Variants in GMNC observed in about 807,000 individuals in gnomAD.
GMNC encodes geminin coiled-coil domain-containing protein 1.
GMNC carries 16 observed loss-of-function variants against 33.6 expected under a neutral mutation model. That is an observed-to-expected ratio of 0.48 (90% CI 0.32 to 0.72). The LOEUF (loss-of-function observed/expected upper bound fraction) is 0.72. Among genes scored for constraint, GMNC ranks in the 30% least tolerant of loss-of-function variants. The probability of loss-of-function intolerance (pLI) is 0.03; values close to 1 mark genes in which losing one functional copy is unlikely to be tolerated. For missense variants in GMNC, 393 were observed against 388.9 expected, an observed-to-expected ratio of 1.01 and a Z score of -0.09; for synonymous variants, 156 against 147.3, an observed-to-expected ratio of 1.06 and a Z score of -0.43.
Position 190,854,013 on chromosome 3 carries a change from C to A in GMNC, c.*1282G>T, listed in dbSNP as rs1030457413. On this transcript the variant is annotated 3_prime_UTR_variant, in exon 5 of 5. Coordinates refer to ENST00000442080, the MANE Select transcript of GMNC (RefSeq NM_001146686.3). ...AGTACTGTGATCAGAGCAATGATTT[C>A]TAATGTTAACTTCAAATGACTTATG... is the stretch of plus-strand genomic sequence containing the variant. The A allele has an allele frequency of 6.6e-6, 1 of 152,122 alleles. No individual in the cohort carries two copies. Among genetic ancestry groups the A allele is most frequent in the Admixed American group, 6.5e-5 (1 of 15,268 alleles). 9.4% of individuals were successfully genotyped at this position (152,122 alleles called of 1,614,324 possible). A position where few individuals can be genotyped will look rare whatever the true frequency, so the allele number is the denominator to read the frequency against.
rs1737805125 is a variant in GMNC, at chr3:190,858,921, C to A, written c.267+7G>T. The A allele has an allele frequency of 6.6e-7, 1 of 1,522,128 alleles. No individual in the cohort carries two copies. The highest frequency in any genetic ancestry group is 1.4e-5 in the African/African-American group (1 of 72,548). The allele number at this position is 1,522,128 out of a possible 1,614,324, so 94.3% of individuals were successfully genotyped here. On this transcript the variant is annotated splice_region_variant and intron_variant, in intron 3 of 4. Coordinates refer to ENST00000442080, the MANE Select transcript of GMNC (RefSeq NM_001146686.3). ...TGACCAGTCTCAATGTTCTGACTTA[C>A]ACATACCTGCTTATTTCTGTAGAGC... is the stretch of plus-strand genomic sequence containing the variant.
the GMNC span, among the ~76,000 whole-genome samples, chr3:190,845,508 C>CTTTTTTTTTTTT: frequency 4.8e-5 from 6 of 125,802 alleles, no homozygotes; most frequent in East Asian, 2.4e-4. Context: ...ATTTTGAAAC[C>CTTTTTTTTTTTT]TTTTTTTTTT....
chr3:190,843,433 G>A, the GMNC span, among the ~76,000 whole-genome samples: 2 of 152,106 alleles, frequency 1.3e-5, no homozygotes, highest in African/African-American at 2.4e-5. Flanking sequence ...AGCTAGAAGA[G>A]AAAAGAGAAA....
chr3:190,850,803 A>G (rs1737622184), downstream of GMNC, among the ~76,000 whole-genome samples: 2 of 152,168 alleles, frequency 1.3e-5, no homozygotes, highest in South Asian at 4.1e-4. Flanking sequence ...GGCCTCAACT[A>G]TTGTAATGTG....
chr3:190,850,772 T>A (rs1737621592), downstream of GMNC, among the ~76,000 whole-genome samples: 1 of 152,194 alleles, frequency 6.6e-6, no homozygotes, highest in Middle Eastern at 3.2e-3. Context: ...AGACCCAACA[T>A]TAGCACCAGG....
At chr3:190,851,240 G>A (rs1737628865), downstream of GMNC, among the ~76,000 whole-genome samples, 1 of 152,138 alleles carries the variant, frequency 6.6e-6, no homozygotes, top group Non-Finnish European at 1.5e-5. Context: ...ACATTTAACT[G>A]AGGCTTTATT....
chr3:190,845,619 C>T, the GMNC span, among the ~76,000 whole-genome samples: 9 of 149,748 alleles, frequency 6.0e-5, no homozygotes. Context: ...AAGCGATTCT[C>T]ATGCCTCAGC....
chr3:190,854,323 G>C lies in GMNC; in HGVS notation c.*972C>G, dbSNP rs1737687320. The C allele has an allele frequency of 6.6e-6, 1 of 152,156 alleles. No individual in the cohort carries two copies. Among genetic ancestry groups the C allele is most frequent in the Non-Finnish European group, 1.5e-5 (1 of 68,026 alleles). 9.4% of individuals were successfully genotyped at this position (152,156 alleles called of 1,614,324 possible). ...GGTGGCCACAGTGTCTAAATTGCTT[G>C]TATTTTATCACCATCACATAGCATA... On this transcript the variant is annotated 3_prime_UTR_variant, in exon 5 of 5. Coordinates refer to ENST00000442080, the MANE Select transcript of GMNC (RefSeq NM_001146686.3).
In GMNC at chr3:190,854,994, T is replaced by A. The variant is rs1329805743; in HGVS notation, c.*301A>T. ...AAAATTGGAAAAATGTATCTAGGTCTTAAAGGAATATAGAAGTGAGTGGAA... is the reference window on the plus strand; with the variant it reads ...AAAATTGGAAAAATGTATCTAGGTCATAAAGGAATATAGAAGTGAGTGGAA... On this transcript the variant is annotated 3_prime_UTR_variant, in exon 5 of 5. Transcript: ENST00000442080. 2.3e-5 allele frequency: 7 copies of A among 299,854 alleles called. No homozygotes were observed. Among genetic ancestry groups the A allele is most frequent in the Non-Finnish European group, 6.3e-6 (1 of 158,998 alleles). The allele number at this position is 299,854 out of a possible 1,614,324, so 18.6% of individuals were successfully genotyped here.
rs1372129750 is a variant in GMNC, at chr3:190,861,477, T to TCTATCTAC, written c.4-620_4-619insGTAGATAG. Among the ~76,000 whole-genome samples, 1 of 151,892 alleles carries TCTATCTAC rather than the reference T, an allele frequency of 6.6e-6. No individual in the cohort carries two copies. The highest frequency in any genetic ancestry group is 2.4e-5 in the African/African-American group (1 of 41,306). On this transcript the variant is annotated intron_variant, in intron 1 of 4. Coordinates refer to ENST00000442080, the MANE Select transcript of GMNC (RefSeq NM_001146686.3). The surrounding 1 kb of genome is among the most constrained non-coding windows in gnomAD (Gnocchi z 5.1). ...TATCATCTATCTATCTATCTATCTA[T>TCTATCTAC]CTATCTATCTATCTATCTATCTATC...
At position 190,853,846 on chromosome 3, in the gene GMNC, T is replaced by C. The variant is rs1235642546; in HGVS notation, c.*1449A>G. 1.3e-5 allele frequency: 2 copies of C among 152,130 alleles called. No homozygotes were observed. Among genetic ancestry groups the C allele is most frequent in the Non-Finnish European group, 2.9e-5 (2 of 68,004 alleles). The allele number at this position is 152,130 out of a possible 1,614,324, so 9.4% of individuals were successfully genotyped here. A position where few individuals can be genotyped will look rare whatever the true frequency, so the allele number is the denominator to read the frequency against. On this transcript the variant is annotated 3_prime_UTR_variant, in exon 5 of 5. Transcript: ENST00000442080. ...GCACTGAAAATATATTGTTTCAAAT[T>C]TAGAAATATGAAGTCCTTGATAGCA... is the stretch of plus-strand genomic sequence containing the variant.
intron 2 of GMNC, among the ~76,000 whole-genome samples, chr3:190,860,069 G>A (rs1389808618): frequency 2.6e-5 from 4 of 152,166 alleles, no homozygotes; most frequent in Non-Finnish European, 4.4e-5. Flanking sequence ...ATTCTGGGGT[G>A]TCTGAGAATT....
In GMNC at chr3:190,860,758, G is replaced by C; in HGVS notation, c.104C>G (p.Thr35Arg). 6.4e-7 allele frequency: 1 copy of C among 1,551,532 alleles called. No homozygotes were observed. Residue 35 changes from threonine (T) to arginine (R), a missense_variant, in exon 2 of 5, where the codon ACG becomes AGG. Transcript: ENST00000442080. ...TTSESSVDVS[T>R]ETWVSFWAAG... ...AGCCCAGAAAGAGACCCAAGTCTCCGTGGAAACGTCAACACTAGATTCTGA... is the reference window on the plus strand; with the variant it reads ...AGCCCAGAAAGAGACCCAAGTCTCCCTGGAAACGTCAACACTAGATTCTGA...
downstream of GMNC, among the ~76,000 whole-genome samples, chr3:190,852,140 G>C (rs1737644796): frequency 1.3e-5 from 2 of 151,934 alleles, no homozygotes; most frequent in African/African-American, 4.8e-5. Context: ...TGAAACACAG[G>C]TAAAATTATA....
chr3:190,860,690 C>T lies in GMNC; in HGVS notation c.172G>A (p.Ala58Thr). The change falls in exon 2 of 5, where the codon GCA becomes ACA. Residue 58 changes from alanine to threonine, a missense_variant. Coordinates refer to ENST00000442080, the MANE Select transcript of GMNC (RefSeq NM_001146686.3). ...GCAGAAGAGCAGAACTTACCCTGTG[C>T]CTGTGGTGCTTGTTGGAGCTCTCTG... ...DNRELQQAPQAQESFSDSNFP... is the reference protein window; with the variant it reads ...DNRELQQAPQTQESFSDSNFP... 1 of 1,549,772 alleles carries T rather than the reference C, an allele frequency of 6.5e-7. No homozygotes were observed. The highest frequency in any genetic ancestry group is 8.7e-7 in the Non-Finnish European group (1 of 1,146,350).
At chr3:190,848,591 T>A (rs1737586701), downstream of GMNC, among the ~76,000 whole-genome samples, 1 of 152,238 alleles carries the variant, frequency 6.6e-6, no homozygotes, top group African/African-American at 2.4e-5. Context: ...CTCTAACTGA[T>A]TTAATAGTGT....
At chr3:190,856,513 A>C (rs1271848194) in intron 4 of GMNC, among the ~76,000 whole-genome samples, 1 of 147,580 alleles carries the variant, frequency 6.8e-6, no homozygotes, top group African/African-American at 2.5e-5. Context: ...TTATTTATAC[A>C]TAATATCTTT....
chr3:190,860,955 G>A (rs1737851758), intron 1 of GMNC, 97 bp from the exon 2 acceptor site: 1 of 779,572 alleles, frequency 1.3e-6, no homozygotes, highest in Non-Finnish European at 2.0e-6. Flanking sequence ...GAAATTACAT[G>A]CAGTGAAATA....
chr3:190,859,718 T>G (rs1368572781), intron 2 of GMNC: 2 of 374,096 alleles, frequency 5.3e-6, no homozygotes, highest in Non-Finnish European at 1.1e-5. Context: ...TATCTATCAA[T>G]AAAAAACTAT....
Sources: allele counts gnomAD v4.1 joint callset (sites outside exome capture counted in the v4.1 genomes callset), GRCh38; gene constraint gnomAD v4.1.1; non-coding constraint Gnocchi (gnomAD v3.1); transcripts MANE v1.5; gene names NCBI Gene and HGNC (gene_info 2026-07-23, HGNC 2026-07-21).